The following SYNE1 variants were observed in gnomAD, a reference collection of about 807,000 sequenced individuals.
SYNE1 encodes nesprin-1.
SYNE1 carries 616 observed loss-of-function variants against 1,111.0 expected under a neutral mutation model. The observed-to-expected ratio is 0.55, with a 90% CI of 0.52 to 0.59. The LOEUF (loss-of-function observed/expected upper bound fraction) is 0.59. SYNE1 is among the 20% of genes least tolerant of loss of function. The probability of loss-of-function intolerance (pLI) is 0.00; values close to 1 mark genes in which losing one functional copy is unlikely to be tolerated. For missense variants in SYNE1, 10,006 were observed against 10,417.0 expected (o/e 0.96, Z 1.72); for synonymous variants, 3,855 against 3,825.8 (o/e 1.01, Z -0.28).
chr6:152,387,479 G>T, intron 53 of SYNE1, 98 bp from the exon 54 acceptor site: 1 of 1,222,818 alleles, frequency 8.2e-7, no homozygotes, highest in Non-Finnish European at 1.2e-6. Flanking sequence ...TTGTTTTATT[G>T]AATGCTACTG....
intron 131 of SYNE1, among the ~76,000 whole-genome samples, chr6:152,160,989 G>A (rs965260000): frequency 1.3e-5 from 2 of 151,380 alleles, no homozygotes; most frequent in Admixed American, 6.6e-5. Flanking sequence ...ACACATATAC[G>A]TGTAATCTTC....
At position 152,376,222 on chromosome 6, in the gene SYNE1, G is replaced by A. The variant is rs142565878; in HGVS notation, c.9324+159C>T. 3,080 of 683,194 alleles carry A rather than the reference G, an allele frequency of 4.5e-3. 62 individuals carry two copies. In the African/African-American group the frequency reaches 0.049, roughly 11 times the overall value. The allele number at this position is 683,194 out of a possible 1,614,324, so 42.3% of individuals were successfully genotyped here. On this transcript the variant is annotated intron_variant, in intron 58 of 145. Coordinates refer to ENST00000367255, the MANE Select transcript of SYNE1 (RefSeq NM_182961.4). The stretch of plus-strand genomic sequence containing the variant: ...CAGGAGGTGGAGCTCAGGCAGTAAC[G>A]CTCATTGGCCTGCTGCTCACCTCCT...
At chr6:152,449,754 T>C in intron 27 of SYNE1, 113 bp from the exon 28 acceptor site, 1 of 863,086 alleles carries the variant, frequency 1.2e-6, no homozygotes, top group Non-Finnish European at 1.9e-6. Context: ...GATTACCAAA[T>C]TGATTAATAA....
chr6:152,350,596 G>C, intron 71 of SYNE1, 22 bp downstream of exon 71: 1 of 1,614,036 alleles, frequency 6.2e-7, no homozygotes. Context: ...ACCCTTTTAC[G>C]GAGTCTTTCA....
intron 3 of SYNE1, among the ~76,000 whole-genome samples, chr6:152,541,744 T>A (rs2099271093): frequency 1.2e-5 from 1 of 82,916 alleles, no homozygotes. Context: ...TGAGACTCCA[T>A]CTCAAAAAAA....
rs747419765 is a variant in SYNE1, at chr6:152,453,740, T to C, written c.2893-20A>G. 6 of 1,613,946 alleles carry C rather than the reference T, an allele frequency of 3.7e-6. No individual in the cohort carries two copies. The East Asian group carries it at 1.1e-4, about 30-fold the overall frequency. ...AAACTCCTGACATGGAAGGGGAAAG[T>C]GGGTAAGAGTGTTGGACAGACGAAA... On this transcript the variant is annotated intron_variant, in intron 24 of 145. Coordinates refer to ENST00000367255, the MANE Select transcript of SYNE1 (RefSeq NM_182961.4).
chr6:152,619,350 C>A (rs1159721068), intron 3 of SYNE1, among the ~76,000 whole-genome samples: 1 of 151,828 alleles, frequency 6.6e-6, no homozygotes, highest in Non-Finnish European at 1.5e-5. Flanking sequence ...ACACAGCCAC[C>A]AGCACAGTGG....
At chr6:152,459,598 A>G (rs1474459285) in intron 21 of SYNE1, among the ~76,000 whole-genome samples, 1 of 152,132 alleles carries the variant, frequency 6.6e-6, no homozygotes, top group East Asian at 1.9e-4. Context: ...GTCTTGTAAA[A>G]CATGTTTTAG....
intron 129 of SYNE1, chr6:152,179,389 C>T (rs1237114993): frequency 6.6e-6 from 1 of 150,906 alleles, no homozygotes; most frequent in Non-Finnish European, 1.5e-5. Context: ...GTCTATAAAT[C>T]ATATTTTAGA....
chr6:152,241,965 C>G lies in SYNE1; in HGVS notation c.19893+275G>C, dbSNP rs530216960. Among the ~76,000 whole-genome samples, 5 of 152,234 alleles carry G rather than the reference C, an allele frequency of 3.3e-5. No individual in the cohort carries two copies. The South Asian group carries it at 1.0e-3, about 32-fold the overall frequency. ...TAGCTCATCTAGGGAGAAAGCCTGG[C>G]TAATACTAGTGAGGAACTGATAGGT... On this transcript the variant is annotated intron_variant, in intron 107 of 145. Coordinates refer to ENST00000367255, the MANE Select transcript of SYNE1 (RefSeq NM_182961.4).
intron 77 of SYNE1, 23 bp downstream of exon 77, chr6:152,333,985 A>G (rs570484913): frequency 6.2e-7 from 1 of 1,614,108 alleles, no homozygotes; most frequent in South Asian, 1.1e-5. Context: ...CATTTTGGTG[A>G]CCCATGGGAG....
chr6:152,255,700 T>A lies in SYNE1; in HGVS notation c.19151A>T (p.Tyr6384Phe). The A allele has an allele frequency of 6.2e-7, 1 of 1,614,222 alleles. No individual in the cohort carries two copies. The change falls in exon 103 of 146, where the codon TAT becomes TTT. Residue 6384 changes from tyrosine (Y) to phenylalanine (F), a missense_variant. Physicochemically the swap from Tyr to Phe is conservative, Grantham distance 22. Transcript: ENST00000367255. ...AGTAGAGGTGGCTGAGACTCCATCA[T>A]ACAACTTCTGCTCCAAGTGTATACT... is the stretch of plus-strand genomic sequence containing the variant. Reference protein sequence around the residue: ...RQSIHLEQKLYDGVSATSTWL... With the variant: ...RQSIHLEQKLFDGVSATSTWL...
intron 99 of SYNE1, 28 bp from the exon 100 acceptor site, chr6:152,268,193 C>G (rs1410787124): frequency 6.4e-7 from 1 of 1,558,778 alleles, no homozygotes; most frequent in South Asian, 1.1e-5. Context: ...CAAACGCAAA[C>G]ACATTTGCTA....
In SYNE1 at chr6:152,180,190, T is replaced by C. The variant is rs780485635; in HGVS notation, c.23406A>G (p.Lys7802=). The C allele has an allele frequency of 1.1e-5, 18 of 1,614,026 alleles. No homozygotes were observed. In the Admixed American group the frequency reaches 2.8e-4, roughly 25 times the overall value. Residue 7802 remains lysine, a synonymous_variant, in exon 129 of 146, where the codon AAA becomes AAG. Coordinates refer to ENST00000367255, the MANE Select transcript of SYNE1 (RefSeq NM_182961.4). ...TGAGAATGTCTCCATTCTGAGAAAC[T>C]TTGCTTTCCATTTGAGTCAACCACT... The part of the protein sequence containing the change: ...LCEWLTQMES[K]VSQNGDILIE...
At chr6:152,384,552 A>G (rs899816415) in intron 55 of SYNE1, among the ~76,000 whole-genome samples, 1 of 152,222 alleles carries the variant, frequency 6.6e-6, no homozygotes, top group Non-Finnish European at 1.5e-5. Flanking sequence ...TAAGATTTAA[A>G]TAAGATAATA....
intron 36 of SYNE1, among the ~76,000 whole-genome samples, chr6:152,428,699 A>G (rs1308952224): frequency 6.6e-6 from 1 of 152,174 alleles, no homozygotes; most frequent in Admixed American, 6.5e-5. Flanking sequence ...CACTGATTTT[A>G]CTTTTACAAA....
chr6:152,497,647 A>C (rs1357195945), intron 11 of SYNE1, among the ~76,000 whole-genome samples: 1 of 152,228 alleles, frequency 6.6e-6, no homozygotes, highest in Non-Finnish European at 1.5e-5. Flanking sequence ...TTCTTAAAAT[A>C]ACTTTATTAG....
intron 3 of SYNE1, among the ~76,000 whole-genome samples, chr6:152,568,286 ATTCTTT>A (rs2099425764): frequency 9.8e-6 from 1 of 101,786 alleles, no homozygotes; most frequent in African/African-American, 3.5e-5. Context: ...ATTTTATTTT[ATTCTTT>A]TTTTTTTTTT....
intron 3 of SYNE1, among the ~76,000 whole-genome samples, chr6:152,602,617 T>G (rs1350762047): frequency 1.3e-5 from 2 of 152,220 alleles, no homozygotes; most frequent in African/African-American, 4.8e-5. Context: ...ACTCAATTCT[T>G]CATTTAAACA....
Sources: allele counts gnomAD v4.1 joint callset (sites outside exome capture counted in the v4.1 genomes callset), GRCh38; gene constraint gnomAD v4.1.1; transcripts MANE v1.5; gene names NCBI Gene and HGNC (gene_info 2026-07-23, HGNC 2026-07-21).